Variants in SYT16 observed in about 807,000 individuals in gnomAD.
SYT16 encodes the protein synaptotagmin 16, also known as synaptotagmin-16.
A neutral mutation model predicts 61.4 loss-of-function variants in SYT16; 42 were observed. That is an observed-to-expected ratio of 0.68 (90% CI 0.53 to 0.89). The LOEUF is 0.89. Among genes scored for constraint, SYT16 ranks in the 40% least tolerant of loss-of-function variants. SYT16 has a pLI of 0.00. For missense variants in SYT16, 804 were observed against 807.3 expected (o/e 1.00, Z 0.05); for synonymous variants, 314 against 302.3 (o/e 1.04, Z -0.40).
At chr14:61,850,451 G>C (rs960533833) in intron 1 of SYT16, among the ~76,000 whole-genome samples, 1 of 152,020 alleles carries the variant, frequency 6.6e-6, no homozygotes. Flanking sequence ...GCATTTTTCT[G>C]ATAGTGATGT....
At chr14:61,961,266 C>A (rs1414681748) in intron 1 of SYT16, among the ~76,000 whole-genome samples, 1 of 151,982 alleles carries the variant, frequency 6.6e-6, no homozygotes, top group Non-Finnish European at 1.5e-5. Flanking sequence ...AAAATTGACA[C>A]CTGGGACCTA....
At chr14:61,957,905 C>G (rs187032102) in intron 1 of SYT16, among the ~76,000 whole-genome samples, 4 of 151,948 alleles carry the variant, frequency 2.6e-5, no homozygotes, top group Admixed American at 6.6e-5. Context: ...TTAGAATAAA[C>G]TTATGAAGCC....
intron 7 of SYT16, among the ~76,000 whole-genome samples, chr14:62,092,787 A>G (rs1375802493): frequency 6.6e-6 from 1 of 152,014 alleles, no homozygotes; most frequent in South Asian, 2.1e-4. Context: ...CAAGATGAAA[A>G]GAGTTTTGGA....
Position 61,996,086 on chromosome 14 carries a change from C to T in SYT16, c.67C>T (p.Arg23Trp), listed in dbSNP as rs777766385. The change falls in exon 3 of 8, where the codon CGG (arginine) becomes TGG (tryptophan). Residue 23 changes from arginine (R) to tryptophan (W), a missense_variant. Physicochemically the swap from Arg to Trp is moderately radical, Grantham distance 101. Coordinates refer to ENST00000683842, the MANE Select transcript of SYT16 (RefSeq NM_001367656.1). Reference protein sequence around the residue: ...FFQPFSSWISRVYEALQQAGD... With the variant: ...FFQPFSSWISWVYEALQQAGD... The stretch of plus-strand genomic sequence containing the variant: ...CCAGCCTTTCTCTTCCTGGATATCT[C>T]GGGTTTATGAAGCTCTCCAGCAAGC... 47 of 1,612,128 alleles carry T rather than the reference C, an allele frequency of 2.9e-5. 1 individual carries two copies. The highest frequency in any genetic ancestry group is 1.6e-4 in the Middle Eastern group (1 of 6,066).
chr14:61,902,717 G>GT (rs2048566273), intron 1 of SYT16, among the ~76,000 whole-genome samples: 1 of 152,146 alleles, frequency 6.6e-6, no homozygotes, highest in Non-Finnish European at 1.5e-5. Flanking sequence ...AAAGAAAAAG[G>GT]TTTAAGGGAC....
chr14:61,837,381 G>T lies in SYT16; in HGVS notation c.-325+24571G>T, dbSNP rs539945736. Among the ~76,000 whole-genome samples the T allele has an allele frequency of 9.9e-5, 15 of 151,554 alleles. No individual in the cohort carries two copies. In the East Asian group the frequency reaches 2.9e-3, roughly 30 times the overall value. ...CCTCCCTAAGTAGCTGGGACTACAGGTGTGGGCCACCTTGCCCAGCTAATT... is the reference window on the plus strand; with the variant it reads ...CCTCCCTAAGTAGCTGGGACTACAGTTGTGGGCCACCTTGCCCAGCTAATT... On this transcript the variant is annotated intron_variant, in intron 1 of 7. Coordinates refer to ENST00000683842, the MANE Select transcript of SYT16 (RefSeq NM_001367656.1).
intron 3 of SYT16, among the ~76,000 whole-genome samples, chr14:62,050,769 G>A (rs1352441144): frequency 6.6e-6 from 1 of 152,120 alleles, no homozygotes; most frequent in Non-Finnish European, 1.5e-5. Flanking sequence ...TATCAGCAGT[G>A]GTGGCTGCAG....
intron 1 of SYT16, among the ~76,000 whole-genome samples, chr14:61,872,767 C>T (rs2047369213): frequency 6.6e-6 from 1 of 152,192 alleles, no homozygotes; most frequent in African/African-American, 2.4e-5. Context: ...TTCAGCTGCC[C>T]TCATCACAGC....
rs2052747083 is a variant in SYT16, at chr14:61,995,896, A to T, written c.-124A>T. 1.0e-6 allele frequency: 1 copy of T among 976,682 alleles called. No homozygotes were observed. The allele number at this position is 976,682 out of a possible 1,614,324, so 60.5% of individuals were successfully genotyped here. On this transcript the variant is annotated 5_prime_UTR_variant, in exon 3 of 8. Transcript: ENST00000683842. ...TTCAGCTGGAAGTTTTGAGAGTGAA[A>T]TATTCACAGCCATTAAGAGACCTCC...
intron 3 of SYT16, among the ~76,000 whole-genome samples, chr14:62,053,905 C>T (rs961684525): frequency 2.0e-5 from 3 of 152,000 alleles, no homozygotes; most frequent in African/African-American, 7.3e-5. Context: ...TTTGTGGAAC[C>T]CCATGAAACT....
intron 1 of SYT16, among the ~76,000 whole-genome samples, chr14:61,969,080 A>G (rs1566725428): frequency 6.6e-6 from 1 of 152,188 alleles, no homozygotes; most frequent in East Asian, 1.9e-4. Context: ...TTATCTGGAT[A>G]GTAAGGTTAG....
intron 3 of SYT16, among the ~76,000 whole-genome samples, chr14:62,014,640 G>A (rs960896787): frequency 5.9e-5 from 9 of 151,926 alleles, no homozygotes; most frequent in African/African-American, 2.2e-4. Context: ...CACCATGTTG[G>A]CCAGGCTGGA....
At chr14:61,872,864 A>G (rs1387078090) in intron 1 of SYT16, among the ~76,000 whole-genome samples, 1 of 152,194 alleles carries the variant, frequency 6.6e-6, no homozygotes, top group African/African-American at 2.4e-5. Flanking sequence ...GACTATGTTT[A>G]GTTTTGCATA....
chr14:62,064,951 G>A (rs537274631), intron 3 of SYT16, among the ~76,000 whole-genome samples: 5 of 152,202 alleles, frequency 3.3e-5, no homozygotes, highest in African/African-American at 1.2e-4. Flanking sequence ...GAGATCGCAA[G>A]TTTCATTTTT....
At chr14:61,895,252 A>T (rs1428001259) in intron 1 of SYT16, among the ~76,000 whole-genome samples, 3 of 152,172 alleles carry the variant, frequency 2.0e-5, no homozygotes, top group Middle Eastern at 3.4e-3. Flanking sequence ...GTTTAGTTAA[A>T]TTTTTTTTAA....
At chr14:61,907,445 A>C (rs1316432115) in intron 1 of SYT16, among the ~76,000 whole-genome samples, 1 of 152,210 alleles carries the variant, frequency 6.6e-6, no homozygotes, top group East Asian at 1.9e-4. Context: ...AGGTTTTGGC[A>C]TCAGGCATTT....
chr14:62,009,239 G>A (rs2053346864), intron 3 of SYT16, among the ~76,000 whole-genome samples: 1 of 152,126 alleles, frequency 6.6e-6, no homozygotes, highest in East Asian at 1.9e-4. Context: ...AATCTTAGGA[G>A]GTTTACAGGC....
Position 61,921,953 on chromosome 14 carries a change from C to T in SYT16, c.-324-48179C>T, listed in dbSNP as rs1019371025. On this transcript the variant is annotated intron_variant, in intron 1 of 7. Coordinates refer to ENST00000683842, the MANE Select transcript of SYT16 (RefSeq NM_001367656.1). ...GCTGTTTTACCCCAAGCAAGTACTT[C>T]TATGAGCTTTTTCCCTGGCTTTAAA... Among the ~76,000 whole-genome samples the T allele has an allele frequency of 1.4e-4, 21 of 152,326 alleles. No individual in the cohort carries two copies. In the South Asian group the frequency reaches 2.7e-3, roughly 20 times the overall value.
intron 3 of SYT16, among the ~76,000 whole-genome samples, chr14:62,026,177 G>A (rs2054095573): frequency 6.6e-6 from 1 of 152,108 alleles, no homozygotes; most frequent in African/African-American, 2.4e-5. Context: ...TTTTCCTTAA[G>A]TATAGCATGG....
Sources: gnomAD v4.1 joint callset for allele counts (sites outside exome capture counted in the v4.1 genomes callset) on GRCh38, gnomAD v4.1.1 for gene constraint, MANE v1.5 for transcripts, NCBI Gene and HGNC (gene_info 2026-07-23, HGNC 2026-07-21) for gene names.